DIO2: variants seen among roughly 807,000 people sequenced by gnomAD.
DIO2 encodes iodothyronine deiodinase 2, also known as type II iodothyronine deiodinase.
DIO2 carries 19 observed loss-of-function variants against 21.4 expected under a neutral mutation model. The observed-to-expected ratio is 0.89, with a 90% CI of 0.62 to 1.30. The LOEUF (loss-of-function observed/expected upper bound fraction) is 1.30, where lower values mean the gene tolerates loss of function less well. Among genes scored for constraint, DIO2 ranks in the 50% most tolerant of loss-of-function variants. DIO2 has a pLI of 0.00. For missense variants in DIO2, 302 were observed against 338.1 expected (o/e 0.89, Z 0.84); for synonymous variants, 122 against 132.9 (o/e 0.92, Z 0.57).
chr14:80,214,793 G>A (rs1424126444), upstream of DIO2, among the ~76,000 whole-genome samples: 1 of 152,122 alleles, frequency 6.6e-6, no homozygotes, highest in African/African-American at 2.4e-5. Flanking sequence ...ATAATCCTAA[G>A]GTGACAGAGT....
intron 1 of DIO2, among the ~76,000 whole-genome samples, chr14:80,210,772 T>C (rs1888147557): frequency 6.6e-6 from 1 of 152,176 alleles, no homozygotes; most frequent in African/African-American, 2.4e-5. Context: ...CACTTTCTTA[T>C]CTTGTCAACT....
In DIO2 at chr14:80,197,779, T is replaced by C. The variant is rs941423668; in HGVS notation, c.*4910A>G. On this transcript the variant is annotated 3_prime_UTR_variant, in exon 2 of 2. Coordinates refer to ENST00000438257, the MANE Select transcript of DIO2 (RefSeq NM_013989.5). ...ACAAAGATGGGGAGAGGCAAACTAA[T>C]GTGACTACATCCAACCACTAACTGA... is the stretch of plus-strand genomic sequence containing the variant. 6.6e-6 allele frequency: 1 copy of C among 152,652 alleles called. No homozygotes were observed. Among genetic ancestry groups the C allele is most frequent in the African/African-American group, 2.4e-5 (1 of 41,462 alleles). The allele number at this position is 152,652 out of a possible 1,614,324, so 9.5% of individuals were successfully genotyped here.
rs554957237 is a variant in DIO2, at chr14:80,201,802, G to A, written c.*887C>T. 6.6e-6 allele frequency: 1 copy of A among 151,938 alleles called. No individual in the cohort carries two copies. Among genetic ancestry groups the A allele is most frequent in the East Asian group, 1.9e-4 (1 of 5,184 alleles). The allele number at this position is 151,938 out of a possible 1,614,324, so 9.4% of individuals were successfully genotyped here. A position where few individuals can be genotyped will look rare whatever the true frequency, so the allele number is the denominator to read the frequency against. ...TCAATCACCCCTTTCTCCTCTCTAG[G>A]AGCATATGACAAATATATTGTTTTT... On this transcript the variant is annotated 3_prime_UTR_variant, in exon 2 of 2. Coordinates refer to ENST00000438257, the MANE Select transcript of DIO2 (RefSeq NM_013989.5).
At position 80,201,008 on chromosome 14, in the gene DIO2, A is replaced by G. The variant is rs1452217168; in HGVS notation, c.*1681T>C. The G allele has an allele frequency of 6.6e-6, 1 of 152,098 alleles. No individual in the cohort carries two copies. The highest frequency in any genetic ancestry group is 1.9e-4 in the East Asian group (1 of 5,190). 9.4% of individuals were successfully genotyped at this position (152,098 alleles called of 1,614,324 possible). ...TTTGATTGTACCTTTAAATACAATC[A>G]TATACTATGATTTCATAATAGTCTC... On this transcript the variant is annotated 3_prime_UTR_variant, in exon 2 of 2. Transcript: ENST00000438257.
At chr14:80,227,228 A>C (rs1888594608) in intron 2 of DIO2, among the ~76,000 whole-genome samples, 1 of 152,150 alleles carries the variant, frequency 6.6e-6, no homozygotes, top group South Asian at 2.1e-4. Flanking sequence ...CCGTTAACTG[A>C]TCATAGGGAA....
chr14:80,202,590 A>C lies in DIO2; in HGVS notation c.*99T>G, dbSNP rs527290614. On this transcript the variant is annotated 3_prime_UTR_variant, in exon 2 of 2. Coordinates refer to ENST00000438257, the MANE Select transcript of DIO2 (RefSeq NM_013989.5). The stretch of plus-strand genomic sequence containing the variant: ...TCCGATAGATAAACTCCTGTCTTTC[A>C]GTAAGCCAATAGGGCTCTGTTGAAA... 8.0e-7 allele frequency: 1 copy of C among 1,250,534 alleles called. No homozygotes were observed. Among genetic ancestry groups the C allele is most frequent in the African/African-American group, 1.5e-5 (1 of 66,120 alleles). 77.5% of individuals were successfully genotyped at this position (1,250,534 alleles called of 1,614,324 possible).
upstream of DIO2, among the ~76,000 whole-genome samples, chr14:80,215,068 A>G (rs1888320388): frequency 6.6e-6 from 1 of 152,148 alleles, no homozygotes; most frequent in African/African-American, 2.4e-5. Flanking sequence ...TAGATTTCAT[A>G]TGTTCTTTCA....
rs1410047838 is a variant in DIO2 at position 80,197,726 on chromosome 14, T to A, written c.*4963A>T. ...CATTTACCCAGGACTCTTAGCATCA[T>A]GTCCCGCATATTCTCCTTGCCAGGG... On this transcript the variant is annotated 3_prime_UTR_variant, in exon 2 of 2. Transcript: ENST00000438257. The A allele has an allele frequency of 6.6e-6, 1 of 152,632 alleles. No individual in the cohort carries two copies. Among genetic ancestry groups the A allele is most frequent in the Non-Finnish European group, 1.5e-5 (1 of 68,044 alleles). The allele number at this position is 152,632 out of a possible 1,614,324, so 9.5% of individuals were successfully genotyped here. A position where few individuals can be genotyped will look rare whatever the true frequency, so the allele number is the denominator to read the frequency against.
chr14:80,202,097 T>C lies in DIO2; in HGVS notation c.*592A>G. ...TCAGACTGAGGGATCATTCTCGGTA[T>C]CTACAAATATACCAATAATTTCTGG... On this transcript the variant is annotated 3_prime_UTR_variant, in exon 2 of 2. Coordinates refer to ENST00000438257, the MANE Select transcript of DIO2 (RefSeq NM_013989.5). 3.6e-6 allele frequency: 1 copy of C among 281,090 alleles called. No individual in the cohort carries two copies. 17.4% of individuals were successfully genotyped at this position (281,090 alleles called of 1,614,324 possible).
intron 2 of DIO2, among the ~76,000 whole-genome samples, chr14:80,223,381 G>C (rs2140020397): frequency 6.6e-6 from 1 of 152,258 alleles, no homozygotes. Context: ...ATACATGTTA[G>C]AACATAGCAT....
chr14:80,230,307 TG>T (rs1433134174), intron 2 of DIO2, among the ~76,000 whole-genome samples: 1 of 152,156 alleles, frequency 6.6e-6, no homozygotes, highest in Non-Finnish European at 1.5e-5. Flanking sequence ...AGTAGACACC[TG>T]GTGAGGCTGT....
chr14:80,211,685 C>T, upstream of DIO2: 1 of 492,534 alleles, frequency 2.0e-6, no homozygotes, highest in Non-Finnish European at 3.6e-6. Context: ...GTCTCTCCAG[C>T]CCAGCAGTTG....
intron 1 of DIO2, among the ~76,000 whole-genome samples, chr14:80,205,208 T>TA (rs774079355): frequency 8.5e-5 from 13 of 152,158 alleles, no homozygotes; most frequent in Non-Finnish European, 1.6e-4. Flanking sequence ...CTTTTTTTTT[T>TA]ATAGATCTAG....
chr14:80,203,156 T>C lies in DIO2; in HGVS notation c.355A>G (p.Ser119Gly), dbSNP rs761956184. ...TTGACCACTAGTGGGCGCTCAGGGC[T>C]GGCAAAGTCAAGAAGGTGGCATGTG... ...GATCHLLDFA[S>G]PERPLVVNFG... is the part of the protein sequence containing the mutation. Residue 119 changes from serine (S) to glycine (G), a missense_variant, in exon 2 of 2, where the codon AGC (serine) becomes GGC (glycine). Coordinates refer to ENST00000438257, the MANE Select transcript of DIO2 (RefSeq NM_013989.5). 6 of 1,612,636 alleles carry C rather than the reference T, an allele frequency of 3.7e-6. No homozygotes were observed. Among genetic ancestry groups the C allele is most frequent in the African/African-American group, 2.7e-5 (2 of 74,860 alleles).
chr14:80,205,875 T>C (rs1444166680), intron 1 of DIO2: 3 of 427,456 alleles, frequency 7.0e-6, no homozygotes, highest in African/African-American at 4.4e-5. Context: ...TCTAGGTCAG[T>C]GAAGAATTTT....
At chr14:80,224,536 A>ACACACACACAC (rs1292719181) in intron 2 of DIO2, among the ~76,000 whole-genome samples, 4 of 53,850 alleles carry the variant, frequency 7.4e-5, no homozygotes, top group Non-Finnish European at 2.4e-4. Context: ...CACACACACA[A>ACACACACACAC]GACAACAATG....
chr14:80,208,276 A>T lies in DIO2; in HGVS notation c.222+2975T>A, dbSNP rs1215031288. ...GTCTATAGACTTTCCTTTCAATCAA[A>T]ATTGTACACAGAATCCATCTCTTAC... On this transcript the variant is annotated intron_variant, in intron 1 of 1. Transcript: ENST00000438257. 4.6e-5 allele frequency among the ~76,000 whole-genome samples: 7 copies of T among 152,258 alleles called. No individual in the cohort carries two copies. In the East Asian group the frequency reaches 1.4e-3, roughly 29 times the overall value.
At chr14:80,214,756 G>C (rs1359668905), upstream of DIO2, among the ~76,000 whole-genome samples, 1 of 152,076 alleles carries the variant, frequency 6.6e-6, no homozygotes, top group African/African-American at 2.4e-5. Flanking sequence ...TGATTTTCAA[G>C]TAATTTTATA....
At chr14:80,215,263 C>T (rs913596777), upstream of DIO2, among the ~76,000 whole-genome samples, 5 of 152,136 alleles carry the variant, frequency 3.3e-5, no homozygotes, top group Admixed American at 6.5e-5. Flanking sequence ...AAAACCTTTG[C>T]AAAATTGTTT....
Sources: gnomAD v4.1 joint callset for allele counts (sites outside exome capture counted in the v4.1 genomes callset) on GRCh38, gnomAD v4.1.1 for gene constraint, MANE v1.5 for transcripts, NCBI Gene and HGNC (gene_info 2026-07-23, HGNC 2026-07-21) for gene names.